Variants in DOCK1 observed in about 807,000 individuals in gnomAD.
The protein encoded by DOCK1 is dedicator of cytokinesis protein 1.
In DOCK1, 138 loss-of-function variants were observed where a neutral mutation model predicts 262.7. The ratio of observed to expected loss-of-function variants is 0.53; its 90% CI spans 0.46 to 0.61. The LOEUF is 0.61. DOCK1 is among the 20% of genes least tolerant of loss of function. The pLI is 0.00. For synonymous variants in DOCK1, 866 were observed against 867.4 expected (o/e 1.00, Z 0.03); for missense variants, 1,908 against 2,370.7 (o/e 0.80, Z 4.05).
At chr10:127,216,853 A>G (rs976758236) in intron 27 of DOCK1, among the ~76,000 whole-genome samples, 2 of 152,218 alleles carry the variant, frequency 1.3e-5, no homozygotes, top group African/African-American at 2.4e-5. Flanking sequence ...GACCAAGTAG[A>G]AAGTCGTTTT....
chr10:127,406,214 G>C (rs1479411812), intron 40 of DOCK1, among the ~76,000 whole-genome samples: 8 of 152,130 alleles, frequency 5.3e-5, no homozygotes, highest in Admixed American at 3.9e-4. Flanking sequence ...CGTGCAGGAT[G>C]GTTATCCCAG....
chr10:127,141,240 A>G (rs1174558628), intron 27 of DOCK1, among the ~76,000 whole-genome samples: 1 of 152,126 alleles, frequency 6.6e-6, no homozygotes. Context: ...ATTCGTTCCC[A>G]TATTACTTGC....
chr10:127,137,167 A>G (rs2050772285), intron 27 of DOCK1: 1 of 152,708 alleles, frequency 6.5e-6, no homozygotes, highest in Non-Finnish European at 1.5e-5. Context: ...GAAAATGAGC[A>G]GTAAACATGT....
chr10:127,123,453 G>T (rs1011785834), intron 25 of DOCK1, among the ~76,000 whole-genome samples: 3 of 152,212 alleles, frequency 2.0e-5, no homozygotes, highest in African/African-American at 7.2e-5. Flanking sequence ...GCAGGGCGGG[G>T]CTCAGATAAG....
intron 1 of DOCK1, among the ~76,000 whole-genome samples, chr10:126,951,674 T>TAAG (rs1437304888): frequency 3.3e-5 from 5 of 151,820 alleles, no homozygotes; most frequent in Admixed American, 6.6e-5. Flanking sequence ...GTAGTAGTAG[T>TAAG]AAGTATTGTT....
chr10:126,915,015 A>T (rs1476853602), intron 1 of DOCK1, among the ~76,000 whole-genome samples: 1 of 152,100 alleles, frequency 6.6e-6, no homozygotes, highest in Non-Finnish European at 1.5e-5. Flanking sequence ...CCTTCTGCTC[A>T]CATTTTCTCA....
At chr10:127,240,512 A>G (rs2059227492) in intron 27 of DOCK1, among the ~76,000 whole-genome samples, 1 of 152,298 alleles carries the variant, frequency 6.6e-6, no homozygotes, top group African/African-American at 2.4e-5. Flanking sequence ...CAGTTTTAAC[A>G]ATAATACCTG....
intron 31 of DOCK1, among the ~76,000 whole-genome samples, chr10:127,349,281 C>G (rs1274278053): frequency 6.6e-6 from 1 of 151,996 alleles, no homozygotes; most frequent in Non-Finnish European, 1.5e-5. Flanking sequence ...TGGCTGCCCC[C>G]AAGCAGATGG....
chr10:127,435,056 A>G (rs2069585865), intron 48 of DOCK1, among the ~76,000 whole-genome samples: 1 of 152,222 alleles, frequency 6.6e-6, no homozygotes, highest in African/African-American at 2.4e-5. Context: ...TTGAGTACCC[A>G]ATAGTTAACA....
At chr10:127,061,550 A>C in intron 22 of DOCK1, 118 bp from the exon 23 acceptor site, 5 of 816,134 alleles carry the variant, frequency 6.1e-6, no homozygotes, top group Non-Finnish European at 9.9e-6. Flanking sequence ...GATGTTGAGG[A>C]TGTGGTCTCT....
chr10:127,130,641 G>T (rs2050266697), intron 27 of DOCK1, among the ~76,000 whole-genome samples: 1 of 152,336 alleles, frequency 6.6e-6, no homozygotes, highest in East Asian at 1.9e-4. Flanking sequence ...ATGATAATAA[G>T]TGTGGTAGTA....
chr10:126,910,988 A>C (rs191632977), intron 1 of DOCK1, among the ~76,000 whole-genome samples: 11 of 152,314 alleles, frequency 7.2e-5, no homozygotes, highest in Admixed American at 7.2e-4. Context: ...TGGCTGTGAC[A>C]AATACAGCTG....
At chr10:127,086,339 C>A (rs1041807660) in intron 23 of DOCK1, among the ~76,000 whole-genome samples, 5 of 151,756 alleles carry the variant, frequency 3.3e-5, no homozygotes, top group African/African-American at 1.2e-4. Context: ...AGCTGAGTAA[C>A]CTTCTCTTTG....
chr10:127,216,520 G>A (rs778524242), intron 27 of DOCK1, among the ~76,000 whole-genome samples: 1 of 152,064 alleles, frequency 6.6e-6, no homozygotes, highest in Non-Finnish European at 1.5e-5. Flanking sequence ...TTCTTGATGC[G>A]TGTGCCTTAC....
At chr10:127,309,191 T>C (rs2061976295) in intron 29 of DOCK1, among the ~76,000 whole-genome samples, 1 of 146,524 alleles carries the variant, frequency 6.8e-6, no homozygotes, top group African/African-American at 2.6e-5. Context: ...TGATCAGTGA[T>C]GTTGAGCTTT....
chr10:127,264,647 GGCAGTTT>G (rs1192000578), intron 29 of DOCK1, among the ~76,000 whole-genome samples: 4 of 152,058 alleles, frequency 2.6e-5, no homozygotes, highest in Admixed American at 6.6e-5. Flanking sequence ...ACGGGAAGCT[GGCAGTTT>G]ACAATGTAGA....
chr10:127,450,501 CG>C (rs2134876291), intron 51 of DOCK1, among the ~76,000 whole-genome samples: 1 of 152,260 alleles, frequency 6.6e-6, no homozygotes, highest in African/African-American at 2.4e-5. Context: ...TCCACTGACT[CG>C]TTTATTCACT....
intron 1 of DOCK1, among the ~76,000 whole-genome samples, chr10:126,928,048 G>C (rs1421188139): frequency 6.6e-6 from 1 of 152,214 alleles, no homozygotes. Context: ...AAGATACTCA[G>C]GGGAAGAGGG....
chr10:127,441,930 C>A (rs1187794094), intron 49 of DOCK1, among the ~76,000 whole-genome samples: 3 of 152,080 alleles, frequency 2.0e-5, no homozygotes, highest in Non-Finnish European at 4.4e-5. Flanking sequence ...CAGAATGTGC[C>A]CTCCCTGGGA....
Sources: allele counts gnomAD v4.1 joint callset (sites outside exome capture counted in the v4.1 genomes callset), GRCh38; gene constraint gnomAD v4.1.1; transcripts MANE v1.5; gene names NCBI Gene and HGNC (gene_info 2026-07-23, HGNC 2026-07-21).